Variants in NPSR1 observed in about 807,000 individuals in gnomAD.
NPSR1 encodes neuropeptide S receptor.
NPSR1 carries 48 observed loss-of-function variants against 46.9 expected under a neutral mutation model. The ratio of observed to expected loss-of-function variants is 1.02; its 90% confidence interval spans 0.81 to 1.30. The LOEUF is 1.30. Among genes scored for constraint, NPSR1 ranks in the 50% most tolerant of loss-of-function variants. NPSR1 has a pLI of 0.00. For missense variants in NPSR1, 450 were observed against 449.5 expected (o/e 1.00, Z -0.01); for synonymous variants, 176 against 168.1 (o/e 1.05, Z -0.36).
chr7:34,658,811 A>G (rs1791312733), intron 1 of NPSR1, among the ~76,000 whole-genome samples: 1 of 152,236 alleles, frequency 6.6e-6, no homozygotes, highest in Non-Finnish European at 1.5e-5. Flanking sequence ...CGTGAGTAAC[A>G]TTTATGAGTG....
chr7:34,790,622 T>C (rs891948145), intron 3 of NPSR1, among the ~76,000 whole-genome samples: 6 of 146,592 alleles, frequency 4.1e-5, no homozygotes, highest in Non-Finnish European at 7.5e-5. Context: ...CCTACATATA[T>C]ATAAAATATA....
chr7:34,683,887 C>G (rs1006527655), intron 1 of NPSR1, among the ~76,000 whole-genome samples: 2 of 152,204 alleles, frequency 1.3e-5, no homozygotes, highest in Admixed American at 6.5e-5. Context: ...AGGACACATT[C>G]AAACCACAGA....
At chr7:34,774,495 T>G (rs1786851719) in intron 2 of NPSR1, among the ~76,000 whole-genome samples, 1 of 152,220 alleles carries the variant, frequency 6.6e-6, no homozygotes, top group Non-Finnish European at 1.5e-5. Context: ...TAGCTCATAA[T>G]GGTCAGTTCC....
At chr7:34,822,119 G>C (rs1789586240) in intron 4 of NPSR1, among the ~76,000 whole-genome samples, 1 of 152,186 alleles carries the variant, frequency 6.6e-6, no homozygotes, top group Admixed American at 6.5e-5. Flanking sequence ...CCTTGTAGAG[G>C]ATGAACTGAT....
At chr7:34,756,968 T>A (rs1785895508) in intron 2 of NPSR1, among the ~76,000 whole-genome samples, 1 of 152,196 alleles carries the variant, frequency 6.6e-6, no homozygotes, top group African/African-American at 2.4e-5. Flanking sequence ...GATTGCCTTC[T>A]TCAGATAGTT....
chr7:34,663,369 A>G (rs1053893648), intron 1 of NPSR1, among the ~76,000 whole-genome samples: 10 of 152,062 alleles, frequency 6.6e-5, no homozygotes, highest in Non-Finnish European at 1.3e-4. Flanking sequence ...AAGAATAGAA[A>G]GTTTGACTGC....
chr7:34,730,354 G>T (rs955565918), intron 2 of NPSR1, among the ~76,000 whole-genome samples: 1 of 152,110 alleles, frequency 6.6e-6, no homozygotes, highest in Non-Finnish European at 1.5e-5. Flanking sequence ...CTCTGTACTT[G>T]CTGTTCCCTC....
intron 2 of NPSR1, among the ~76,000 whole-genome samples, chr7:34,693,047 G>A (rs990449891): frequency 3.9e-5 from 6 of 152,142 alleles, no homozygotes; most frequent in Admixed American, 6.6e-5. Flanking sequence ...TAGTGAATGA[G>A]CTTTTGTGAG....
At position 34,684,679 on chromosome 7, in the gene NPSR1, T is replaced by C; in HGVS notation, c.275T>C (p.Ile92Thr). The change falls in exon 2 of 9, where the codon ATC becomes ACC. Residue 92 changes from isoleucine (I) to threonine (T), a missense_variant. Physicochemically the swap from Ile to Thr is moderately conservative, Grantham distance 89. Coordinates refer to ENST00000360581, the MANE Select transcript of NPSR1 (RefSeq NM_207172.2). ...ACCTTCTTTGTGACTCAGCTGGCCA[T>C]CACAGGTAAGTAACTATGCAAGTGA... ...RMTFFVTQLA[I>T]TDSFTGLVNI... 1 of 1,611,432 alleles carries C rather than the reference T, an allele frequency of 6.2e-7. No individual in the cohort carries two copies. Among genetic ancestry groups the C allele is most frequent in the South Asian group, 1.1e-5 (1 of 90,564 alleles).
At chr7:34,793,544 A>G (rs1363678875) in intron 3 of NPSR1, among the ~76,000 whole-genome samples, 1 of 152,160 alleles carries the variant, frequency 6.6e-6, no homozygotes, top group Non-Finnish European at 1.5e-5. Flanking sequence ...TCTAGTTAGA[A>G]TGGCTACTAC....
intron 2 of NPSR1, among the ~76,000 whole-genome samples, chr7:34,702,507 ATC>A (rs1793880038): frequency 1.3e-5 from 2 of 152,302 alleles, no homozygotes; most frequent in Admixed American, 1.3e-4. Flanking sequence ...TAGACAACAA[ATC>A]TCTTTTTGTC....
Position 34,658,442 on chromosome 7 carries a change from C to T in NPSR1, c.30C>T (p.Phe10=), listed in dbSNP as rs267601494. The change falls in exon 1 of 9, where the codon TTC becomes TTT. Residue 10 remains phenylalanine (F), a synonymous_variant. Transcript: ENST00000360581. ...CAGCCAACTTCACAGAGGGCAGCTT[C>T]GATTCCAGTGGGACCGGGCAGACGC... MPANFTEGS[F]DSSGTGQTLD... is the part of the protein sequence containing the mutation. The T allele has an allele frequency of 1.3e-5, 21 of 1,614,024 alleles. No homozygotes were observed. The highest frequency in any genetic ancestry group is 1.6e-4 in the Middle Eastern group (1 of 6,072).
intron 2 of NPSR1, among the ~76,000 whole-genome samples, chr7:34,731,776 A>G (rs1784427995): frequency 6.6e-6 from 1 of 152,174 alleles, no homozygotes. Context: ...TGAAGGACAA[A>G]TGAAGTTTTC....
At chr7:34,669,810 T>C (rs1791953980) in intron 1 of NPSR1, among the ~76,000 whole-genome samples, 1 of 152,144 alleles carries the variant, frequency 6.6e-6, no homozygotes, top group African/African-American at 2.4e-5. Context: ...ACATAGCTGG[T>C]AGATGGTAGA....
intron 2 of NPSR1, among the ~76,000 whole-genome samples, chr7:34,759,743 T>C (rs992450468): frequency 6.6e-6 from 1 of 152,160 alleles, no homozygotes; most frequent in African/African-American, 2.4e-5. Context: ...CCTCAATAGT[T>C]CTTCACAGGA....
rs781317985 is a variant in NPSR1, at chr7:34,848,513, T to C, written c.875T>C (p.Leu292Pro). Residue 292 changes from leucine to proline, a missense_variant, in exon 8 of 9, where the codon CTG becomes CCG. Transcript: ENST00000360581. ...ATCTGCTGTTGGAGTCCATACTTCCTGTTTGACATTTTGGACAATTTCAAC... is the reference window on the plus strand; with the variant it reads ...ATCTGCTGTTGGAGTCCATACTTCCCGTTTGACATTTTGGACAATTTCAAC... ...AFICCWSPYF[L>P]FDILDNFNLL... The C allele has an allele frequency of 2.5e-5, 41 of 1,614,094 alleles. No homozygotes were observed. The East Asian group carries it at 8.9e-4, about 35-fold the overall frequency.
chr7:34,853,306 A>G (rs1442974378), downstream of NPSR1, among the ~76,000 whole-genome samples: 1 of 152,242 alleles, frequency 6.6e-6, no homozygotes, highest in Non-Finnish European at 1.5e-5. Flanking sequence ...ATCTTAGGTG[A>G]GCTACAGACC....
Position 34,802,827 on chromosome 7 carries a change from G to A in NPSR1, c.385-8943G>A, listed in dbSNP as rs1788486682. ...TTTGCAACCTACTCATCTGACAAAG[G>A]GCTAATATCCAGAATCTACAATGAA... On this transcript the variant is annotated intron_variant, in intron 3 of 8. Transcript: ENST00000360581. 2.7e-5 allele frequency among the ~76,000 whole-genome samples: 4 copies of A among 150,186 alleles called. No individual in the cohort carries two copies. The South Asian group carries it at 8.3e-4, about 31-fold the overall frequency.
chr7:34,712,965 A>G (rs1022923416), intron 2 of NPSR1, among the ~76,000 whole-genome samples: 6 of 152,224 alleles, frequency 3.9e-5, no homozygotes, highest in African/African-American at 1.4e-4. Context: ...TAGTTTCATT[A>G]AAATCTAAAT....
Sources: gnomAD v4.1 joint callset for allele counts (sites outside exome capture counted in the v4.1 genomes callset) on GRCh38, gnomAD v4.1.1 for gene constraint, MANE v1.5 for transcripts, NCBI Gene and HGNC (gene_info 2026-07-23, HGNC 2026-07-21) for gene names.